Variants in ACTN1 observed in about 807,000 individuals in gnomAD.
ACTN1 encodes alpha-actinin-1.
ACTN1 carries 30 observed loss-of-function variants against 119.6 expected under a neutral mutation model. The ratio of observed to expected loss-of-function variants is 0.25; its 90% CI spans 0.19 to 0.34. ACTN1 has a LOEUF of 0.34. Ranked by LOEUF, ACTN1 falls within the 10% of genes least tolerant of loss-of-function variation. The probability of loss-of-function intolerance (pLI) is 1.00; values close to 1 mark genes in which losing one functional copy is unlikely to be tolerated. For missense variants in ACTN1, 764 were observed against 1,223.4 expected, an observed-to-expected ratio of 0.62 and a Z score of 5.60; for synonymous variants, 429 against 472.6, an observed-to-expected ratio of 0.91 and a Z score of 1.20.
chr14:68,879,025 G>A lies in ACTN1; in HGVS notation c.2325C>T (p.Leu775=), dbSNP rs1054234. 3.1e-6 allele frequency: 5 copies of A among 1,613,394 alleles called. No homozygotes were observed. Among genetic ancestry groups the A allele is most frequent in the South Asian group, 2.2e-5 (2 of 91,050 alleles). The change falls in exon 19 of 22, where the codon CTC becomes CTT. Residue 775 remains leucine (L), a synonymous_variant. Transcript: ENST00000394419. The surrounding 1 kb of genome is among the most constrained non-coding windows in gnomAD (Gnocchi z 4.9). ...TLGPEEFKAC[L]ISLGYDIGND... ...TGCCAATATCATAACCCAAGCTGAT[G>A]AGGCAGGCTTTGAACTCCTCGGGAC...
At chr14:68,957,960 C>G (rs902848975) in intron 1 of ACTN1, among the ~76,000 whole-genome samples, 9 of 152,198 alleles carry the variant, frequency 5.9e-5, no homozygotes, top group African/African-American at 2.2e-4. Context: ...AGCCTCAGAG[C>G]CAGACAGGAA....
At chr14:68,973,987 C>T (rs1429659092) in intron 1 of ACTN1, 1 of 152,288 alleles carries the variant, frequency 6.6e-6, no homozygotes, top group African/African-American at 2.4e-5. Flanking sequence ...GTAACTCAGC[C>T]CAACCCACAG....
chr14:68,927,186 T>C (rs922333504), intron 1 of ACTN1, among the ~76,000 whole-genome samples: 2 of 152,168 alleles, frequency 1.3e-5, no homozygotes, highest in African/African-American at 2.4e-5. Flanking sequence ...TCCAATGTCC[T>C]CTCTATCTTG....
chr14:68,914,942 G>T (rs960934635), intron 3 of ACTN1, among the ~76,000 whole-genome samples: 1 of 152,158 alleles, frequency 6.6e-6, no homozygotes, highest in Admixed American at 6.5e-5. Context: ...CAAGGAGCAC[G>T]CATTTTACAG....
chr14:68,899,152 TCACACCA>T (rs994927472), intron 8 of ACTN1, among the ~76,000 whole-genome samples: 1 of 78,446 alleles, frequency 1.3e-5, no homozygotes, highest in African/African-American at 5.2e-5. Flanking sequence ...ACCCTACACC[TCACACCA>T]CACACACACC....
chr14:68,916,639 G>A (rs1376560750), intron 3 of ACTN1, among the ~76,000 whole-genome samples: 1 of 152,162 alleles, frequency 6.6e-6, no homozygotes, highest in Non-Finnish European at 1.5e-5. Context: ...AACGTTTGCA[G>A]CAGGGGTGCC....
intron 11 of ACTN1, chr14:68,888,075 C>A: frequency 1.4e-6 from 1 of 698,248 alleles, no homozygotes; most frequent in South Asian, 1.4e-5. Context: ...CTGACCTTCC[C>A]CTTGGGCATC....
At chr14:68,919,257 C>T (rs904470390) in intron 3 of ACTN1, among the ~76,000 whole-genome samples, 1 of 152,196 alleles carries the variant, frequency 6.6e-6, no homozygotes, top group African/African-American at 2.4e-5. Context: ...GGTGCCCATC[C>T]CGCTTAGGAC....
intron 1 of ACTN1, among the ~76,000 whole-genome samples, chr14:68,964,132 C>T (rs1427639395): frequency 2.0e-5 from 3 of 152,200 alleles, no homozygotes; most frequent in Non-Finnish European, 2.9e-5. Context: ...GGGGCTCCAG[C>T]ACTGCCTCTC....
chr14:68,978,815 C>T (rs2037161771), intron 1 of ACTN1, 137 bp downstream of exon 1: 2 of 516,748 alleles, frequency 3.9e-6, no homozygotes, highest in East Asian at 3.8e-5. Flanking sequence ...CACCTCGCAA[C>T]GGCCGCACCG....
At chr14:68,978,074 C>G (rs886307112) in intron 1 of ACTN1, 2 of 455,296 alleles carry the variant, frequency 4.4e-6, no homozygotes, top group Non-Finnish European at 8.8e-6. Flanking sequence ...GCCCAGCTCC[C>G]GTGGCGGGGC....
At chr14:68,940,399 C>G (rs2035725321) in intron 1 of ACTN1, among the ~76,000 whole-genome samples, 1 of 152,094 alleles carries the variant, frequency 6.6e-6, no homozygotes, top group African/African-American at 2.4e-5. Flanking sequence ...CTAACTTGAC[C>G]CCTCCATGTA....
intron 1 of ACTN1, among the ~76,000 whole-genome samples, chr14:68,956,866 G>C (rs2036367783): frequency 1.3e-5 from 2 of 152,060 alleles, no homozygotes; most frequent in Non-Finnish European, 2.9e-5. Context: ...GTGGTTTTCT[G>C]GGTGGGGAGA....
At chr14:68,938,940 T>A (rs1208193411) in intron 1 of ACTN1, among the ~76,000 whole-genome samples, 1 of 152,172 alleles carries the variant, frequency 6.6e-6, no homozygotes, top group Non-Finnish European at 1.5e-5. Context: ...TTTCCTGGTT[T>A]ACACCCATCT....
intron 1 of ACTN1, among the ~76,000 whole-genome samples, chr14:68,957,168 G>A (rs545744335): frequency 4.6e-5 from 7 of 152,336 alleles, no homozygotes; most frequent in African/African-American, 9.6e-5. Context: ...TGGGCTGGCC[G>A]GAGGATACAC....
At chr14:68,905,369 T>C (rs2033604268) in intron 6 of ACTN1, among the ~76,000 whole-genome samples, 1 of 152,236 alleles carries the variant, frequency 6.6e-6, no homozygotes. Flanking sequence ...AGGTGGAATG[T>C]CAAATGCTGT....
At chr14:68,952,737 G>C (rs1331790388) in intron 1 of ACTN1, among the ~76,000 whole-genome samples, 1 of 151,898 alleles carries the variant, frequency 6.6e-6, no homozygotes, top group Non-Finnish European at 1.5e-5. Context: ...TATCTTCTCT[G>C]CCAAACCTCA....
chr14:68,957,851 A>G (rs1481186316), intron 1 of ACTN1, among the ~76,000 whole-genome samples: 1 of 152,164 alleles, frequency 6.6e-6, no homozygotes, highest in Non-Finnish European at 1.5e-5. Context: ...TGGTTCAGCG[A>G]AGTGAAGAGA....
intron 8 of ACTN1, among the ~76,000 whole-genome samples, chr14:68,898,738 C>G (rs59410062): frequency 6.6e-6 from 1 of 152,048 alleles, no homozygotes; most frequent in Non-Finnish European, 1.5e-5. Context: ...GGACGACCAC[C>G]ACTACCACCA....
Sources: gnomAD v4.1 joint callset for allele counts (sites outside exome capture counted in the v4.1 genomes callset) on GRCh38, gnomAD v4.1.1 for gene constraint, Gnocchi (gnomAD v3.1) non-coding constraint, MANE v1.5 for transcripts, NCBI Gene and HGNC (gene_info 2026-07-23, HGNC 2026-07-21) for gene names.